LIMD1: variants seen among roughly 807,000 people sequenced by gnomAD.
LIMD1 encodes the protein LIM domain-containing protein 1.
Under a neutral mutation model 58.4 loss-of-function variants are expected in LIMD1, and 23 were observed. That is an observed-to-expected ratio of 0.39 (90% CI 0.28 to 0.56). The LOEUF (loss-of-function observed/expected upper bound fraction) is 0.56. Ranked by LOEUF, LIMD1 falls within the 20% of genes least tolerant of loss-of-function variation. The pLI is 0.57. For missense variants in LIMD1, 838 were observed against 855.5 expected, an observed-to-expected ratio of 0.98 and a Z score of 0.25; for synonymous variants, 334 against 345.5, an observed-to-expected ratio of 0.97 and a Z score of 0.37.
chr3:45,597,757 C>T (rs1025175948), intron 1 of LIMD1, among the ~76,000 whole-genome samples: 4 of 152,146 alleles, frequency 2.6e-5, no homozygotes, highest in African/African-American at 9.7e-5. Flanking sequence ...TGGCTTACTG[C>T]TGTCAGTCTA....
chr3:45,622,868 A>G (rs973017067), intron 1 of LIMD1, among the ~76,000 whole-genome samples: 2 of 152,060 alleles, frequency 1.3e-5, no homozygotes, highest in African/African-American at 4.8e-5. Flanking sequence ...GGGTTTCACC[A>G]TGTTGGCCAG....
chr3:45,614,103 A>T (rs570289976), intron 1 of LIMD1, among the ~76,000 whole-genome samples: 1 of 152,106 alleles, frequency 6.6e-6, no homozygotes, highest in African/African-American at 2.4e-5. Flanking sequence ...TCTTCACAAG[A>T]TATTTTATTC....
intron 2 of LIMD1, among the ~76,000 whole-genome samples, chr3:45,655,559 A>G (rs566483482): frequency 2.6e-5 from 4 of 152,212 alleles, no homozygotes; most frequent in Non-Finnish European, 5.9e-5. Context: ...GTGGTTCTCA[A>G]AGTGTGGTCC....
At chr3:45,646,075 A>G (rs528142208) in intron 2 of LIMD1, among the ~76,000 whole-genome samples, 1 of 151,062 alleles carries the variant, frequency 6.6e-6, no homozygotes, top group African/African-American at 2.4e-5. Context: ...CTTTATATGC[A>G]GTCCAGTACA....
At chr3:45,612,070 GCTCTCTCTCT>G (rs112847908) in intron 1 of LIMD1, among the ~76,000 whole-genome samples, 7 of 144,950 alleles carry the variant, frequency 4.8e-5, no homozygotes, top group South Asian at 2.2e-4. Context: ...GCAGGTGCGC[GCTCTCTCTCT>G]CTCTCTCTCT....
chr3:45,658,532 A>ATGCTTTTTTTTTTTTTTTTTTTTTTTTT, intron 2 of LIMD1, among the ~76,000 whole-genome samples: 1 of 72,138 alleles, frequency 1.4e-5, no homozygotes, highest in Non-Finnish European at 3.0e-5. Context: ...CACCATGCAG[A>ATGCTTTTTTTTTTTTTTTTTTTTTTTTT]TTCTTTTTTT....
chr3:45,674,097 T>C (rs1248648576), intron 6 of LIMD1, among the ~76,000 whole-genome samples: 1 of 152,192 alleles, frequency 6.6e-6, no homozygotes, highest in Non-Finnish European at 1.5e-5. Context: ...TAAGTGTCCA[T>C]GTAGGTCTTT....
At chr3:45,646,696 T>C (rs1344532849) in intron 2 of LIMD1, among the ~76,000 whole-genome samples, 2 of 150,138 alleles carry the variant, frequency 1.3e-5, no homozygotes, top group African/African-American at 4.9e-5. Flanking sequence ...TAAATCTTTT[T>C]TTTTTTTTTT....
intron 4 of LIMD1, among the ~76,000 whole-genome samples, chr3:45,671,080 A>G (rs1440842310): frequency 6.6e-6 from 1 of 152,218 alleles, no homozygotes; most frequent in Non-Finnish European, 1.5e-5. Context: ...TCTTGGGGAA[A>G]ATGCATTCCA....
intron 1 of LIMD1, among the ~76,000 whole-genome samples, chr3:45,631,267 G>T (rs1318229113): frequency 6.6e-6 from 1 of 151,478 alleles, no homozygotes; most frequent in Non-Finnish European, 1.5e-5. Flanking sequence ...CTGATATACT[G>T]CACTCCAGCC....
At chr3:45,643,739 G>A (rs1015193366) in intron 2 of LIMD1, among the ~76,000 whole-genome samples, 3 of 152,214 alleles carry the variant, frequency 2.0e-5, no homozygotes, top group Admixed American at 6.5e-5. Flanking sequence ...GATGGAAGCT[G>A]GGAAGCAGCC....
intron 7 of LIMD1, among the ~76,000 whole-genome samples, chr3:45,675,938 A>G (rs1697661898): frequency 6.6e-6 from 1 of 152,114 alleles, no homozygotes; most frequent in Non-Finnish European, 1.5e-5. Context: ...TGGGTGACAC[A>G]GCAAGACCCT....
In LIMD1 at chr3:45,595,343, C is replaced by T. The variant is rs371364321; in HGVS notation, c.464C>T (p.Ala155Val). The part of the protein sequence containing the change: ...SQDCGSRESL[A>V]TSEMSAFHQP... ...GACTGTGGTTCCAGGGAGAGCCTGG[C>T]GACTTCTGAGATGTCTGCTTTCCAC... Residue 155 changes from alanine (A) to valine (V), a missense_variant, in exon 1 of 8, where the codon GCG becomes GTG. Coordinates refer to ENST00000273317, the MANE Select transcript of LIMD1 (RefSeq NM_014240.3). The T allele has an allele frequency of 3.3e-5, 54 of 1,613,492 alleles. No individual in the cohort carries two copies. In the African/African-American group the frequency reaches 5.5e-4, roughly 16 times the overall value.
chr3:45,667,641 ATATT>A (rs914970600), intron 3 of LIMD1, among the ~76,000 whole-genome samples: 1 of 150,716 alleles, frequency 6.6e-6, no homozygotes, highest in African/African-American at 2.4e-5. Context: ...GGTAAAGTAG[ATATT>A]TATTAAGTTT....
chr3:45,646,674 G>A (rs1701910865), intron 2 of LIMD1, among the ~76,000 whole-genome samples: 2 of 151,460 alleles, frequency 1.3e-5, no homozygotes, highest in Non-Finnish European at 2.9e-5. Flanking sequence ...TGCATGTAAA[G>A]CCTCTTGTTC....
intron 2 of LIMD1, among the ~76,000 whole-genome samples, chr3:45,640,766 C>G (rs1185765322): frequency 6.6e-6 from 1 of 152,224 alleles, no homozygotes; most frequent in African/African-American, 2.4e-5. Context: ...GAACCTCATT[C>G]TCTGTGGATC....
At chr3:45,597,953 C>T (rs1036212130) in intron 1 of LIMD1, among the ~76,000 whole-genome samples, 1 of 152,098 alleles carries the variant, frequency 6.6e-6, no homozygotes, top group Non-Finnish European at 1.5e-5. Flanking sequence ...TTATGGCTTA[C>T]TTTTTTTAAA....
chr3:45,671,269 G>T (rs2125670262), intron 4 of LIMD1, among the ~76,000 whole-genome samples: 1 of 152,352 alleles, frequency 6.6e-6, no homozygotes, highest in Non-Finnish European at 1.5e-5. Flanking sequence ...TGCCTTCTTG[G>T]CTGGAGCTTG....
intron 3 of LIMD1, among the ~76,000 whole-genome samples, chr3:45,666,582 C>A (rs1356794094): frequency 6.6e-6 from 1 of 152,040 alleles, no homozygotes; most frequent in East Asian, 1.9e-4. Context: ...TTTCCCAGAT[C>A]CCCCCAACAG....
Sources: gnomAD v4.1 joint callset for allele counts (sites outside exome capture counted in the v4.1 genomes callset) on GRCh38, gnomAD v4.1.1 for gene constraint, MANE v1.5 for transcripts, NCBI Gene and HGNC (gene_info 2026-07-23, HGNC 2026-07-21) for gene names.